The following MYO16 variants were observed in gnomAD, a reference collection of about 807,000 sequenced individuals.
The protein encoded by MYO16 is myosin XVI.
MYO16 carries 94 observed loss-of-function variants against 205.3 expected under a neutral mutation model. The ratio of observed to expected loss-of-function variants is 0.46; its 90% CI spans 0.39 to 0.54. The LOEUF (loss-of-function observed/expected upper bound fraction) is 0.54. MYO16 is among the 20% of genes least tolerant of loss of function. The pLI is 0.00. For synonymous variants in MYO16, 988 were observed against 954.0 expected, an observed-to-expected ratio of 1.04 and a Z score of -0.66; for missense variants, 2,315 against 2,387.5, an observed-to-expected ratio of 0.97 and a Z score of 0.63.
intron 27 of MYO16, among the ~76,000 whole-genome samples, chr13:109,076,738 G>T (rs901008976): frequency 6.6e-6 from 1 of 152,124 alleles, no homozygotes; most frequent in African/African-American, 2.4e-5. Flanking sequence ...CTTCCAGTGA[G>T]CCTGCAGCAT....
intron 1 of MYO16, among the ~76,000 whole-genome samples, chr13:108,643,913 G>A (rs4503662): frequency 0.18 from 27,730 of 152,154 alleles, 3,867 homozygotes; most frequent in African/African-American, 0.38. Context: ...AATCATAAAA[G>A]TGCTGTACTC....
In MYO16 at chr13:109,136,086, C is replaced by G. The variant is rs1259790680; in HGVS notation, c.4052-4178C>G. Among the ~76,000 whole-genome samples the G allele has an allele frequency of 2.0e-5, 3 of 147,488 alleles. No individual in the cohort carries two copies. The East Asian group carries it at 5.9e-4, about 29-fold the overall frequency. On this transcript the variant is annotated intron_variant, in intron 31 of 34. Transcript: ENST00000457511. ...CCTTCCTTCCTTCCTTCTTTCCTTC[C>G]TTCCTTCCTTCCTTTTTTTGTTTTT...
At chr13:108,782,512 A>T (rs2391696) in intron 4 of MYO16, among the ~76,000 whole-genome samples, 3 of 152,042 alleles carry the variant, frequency 2.0e-5, no homozygotes, top group Non-Finnish European at 1.5e-5. Flanking sequence ...AGAAAAACCC[A>T]TTTTTTGAGG....
chr13:108,961,969 T>G (rs923873966), intron 18 of MYO16, among the ~76,000 whole-genome samples: 1 of 152,232 alleles, frequency 6.6e-6, no homozygotes, highest in African/African-American at 2.4e-5. Context: ...TTTGGGAGCA[T>G]GTTATTAGCT....
the MYO16 span, among the ~76,000 whole-genome samples, chr13:108,550,468 T>A: frequency 6.6e-6 from 1 of 152,226 alleles, no homozygotes; most frequent in Non-Finnish European, 1.5e-5. Flanking sequence ...AAAGAAAGTA[T>A]GAAAGTAGTT....
intron 23 of MYO16, among the ~76,000 whole-genome samples, chr13:109,027,936 T>C (rs551433201): frequency 5.3e-5 from 8 of 152,236 alleles, no homozygotes; most frequent in East Asian, 3.9e-4. Flanking sequence ...GGTGGCCCCA[T>C]TGAGTTGCTC....
In MYO16 at chr13:109,140,721, C is replaced by T. The variant is rs1458888525; in HGVS notation, c.4509C>T (p.Pro1503=). ...PPGDACDIPP[P]FPNLLPHRPP... ...GGGACGCGTGCGACATCCCGCCGCC[C>T]TTCCCCAACCTGCTGCCGCACCGGC... is the stretch of plus-strand genomic sequence containing the variant. Residue 1503 remains proline (P), a synonymous_variant, in exon 32 of 35, where the codon CCC becomes CCT. Coordinates refer to ENST00000457511, the MANE Select transcript of MYO16 (RefSeq NM_001198950.3). The surrounding 1 kb of genome is among the most constrained non-coding windows in gnomAD (Gnocchi z 8.0). 2.9e-5 allele frequency: 43 copies of T among 1,502,486 alleles called. No individual in the cohort carries two copies. Among genetic ancestry groups the T allele is most frequent in the Non-Finnish European group, 3.6e-5 (41 of 1,126,926 alleles). The allele number at this position is 1,502,486 out of a possible 1,614,324, so 93.1% of individuals were successfully genotyped here. A position where few individuals can be genotyped will look rare whatever the true frequency, so the allele number is the denominator to read the frequency against.
intron 1 of MYO16, among the ~76,000 whole-genome samples, chr13:108,613,849 A>T (rs1879257897): frequency 6.6e-6 from 1 of 152,134 alleles, no homozygotes; most frequent in South Asian, 2.1e-4. Flanking sequence ...TTTATGATAA[A>T]AACACTCAGT....
At chr13:108,668,864 G>C (rs983029362) in intron 2 of MYO16, among the ~76,000 whole-genome samples, 1 of 152,050 alleles carries the variant, frequency 6.6e-6, no homozygotes, top group African/African-American at 2.4e-5. Flanking sequence ...AACTCCAGAG[G>C]GTGAAATCGG....
intron 1 of MYO16, among the ~76,000 whole-genome samples, chr13:108,656,372 C>T (rs1881245607): frequency 6.6e-6 from 1 of 152,150 alleles, no homozygotes. Flanking sequence ...TGAGGCCTCT[C>T]CAACCATAGG....
intron 23 of MYO16, among the ~76,000 whole-genome samples, chr13:109,039,302 A>G (rs1886809275): frequency 2.0e-5 from 3 of 152,200 alleles, no homozygotes; most frequent in Admixed American, 6.5e-5. Flanking sequence ...TGACATAGGC[A>G]ATCGGCAAGG....
chr13:108,583,549 A>G, the MYO16 span, among the ~76,000 whole-genome samples: 1 of 152,206 alleles, frequency 6.6e-6, no homozygotes, highest in African/African-American at 2.4e-5. Context: ...ATCCAGTGAT[A>G]TACTATTTTT....
intron 15 of MYO16, among the ~76,000 whole-genome samples, chr13:108,900,174 C>T (rs1292036997): frequency 6.6e-6 from 1 of 152,048 alleles, no homozygotes; most frequent in Non-Finnish European, 1.5e-5. Context: ...TTAGAGGGTC[C>T]TTTTCTTTAG....
At chr13:108,592,728 C>CTCTGTGTG (rs76161516), upstream of MYO16, among the ~76,000 whole-genome samples, 1 of 139,306 alleles carries the variant, frequency 7.2e-6, no homozygotes, top group Non-Finnish European at 1.5e-5. Context: ...GTGAGGGTGG[C>CTCTGTGTG]TGTGTGTGTG....
chr13:108,560,827 C>G, the MYO16 span, among the ~76,000 whole-genome samples: 1 of 151,810 alleles, frequency 6.6e-6, no homozygotes, highest in African/African-American at 2.4e-5. Context: ...TAAAAATAAC[C>G]AAGTTTTAAC....
At chr13:108,890,162 T>C (rs1880101260) in intron 14 of MYO16, among the ~76,000 whole-genome samples, 1 of 147,320 alleles carries the variant, frequency 6.8e-6, no homozygotes, top group African/African-American at 2.5e-5. Flanking sequence ...CAAGCTGGTC[T>C]CGAACTCCTG....
At chr13:109,028,122 A>G (rs1886423269) in intron 23 of MYO16, among the ~76,000 whole-genome samples, 1 of 152,006 alleles carries the variant, frequency 6.6e-6, no homozygotes, top group Admixed American at 6.6e-5. Flanking sequence ...GGAAAGGTAC[A>G]ACCACTCCCA....
intron 34 of MYO16, among the ~76,000 whole-genome samples, chr13:109,180,086 T>C (rs991992961): frequency 6.6e-6 from 1 of 152,116 alleles, no homozygotes; most frequent in Non-Finnish European, 1.5e-5. Context: ...TCCATGTAAT[T>C]CACATTCATT....
chr13:108,890,187 A>G (rs1594373463), intron 14 of MYO16, among the ~76,000 whole-genome samples: 1 of 134,556 alleles, frequency 7.4e-6, no homozygotes, highest in African/African-American at 2.8e-5. Context: ...CAAGTGATCC[A>G]CCTGCCTCAG....
Sources: gnomAD v4.1 joint callset for allele counts (sites outside exome capture counted in the v4.1 genomes callset) on GRCh38, gnomAD v4.1.1 for gene constraint, Gnocchi (gnomAD v3.1) non-coding constraint, MANE v1.5 for transcripts, NCBI Gene and HGNC (gene_info 2026-07-23, HGNC 2026-07-21) for gene names.